Variants in CAMTA1 observed in about 807,000 individuals in gnomAD.
The protein encoded by CAMTA1 is calmodulin binding transcription activator 1, also known as calmodulin-binding transcription activator 1.
A neutral mutation model predicts 170.9 loss-of-function variants in CAMTA1; 27 were observed. The observed-to-expected ratio is 0.16, with a 90% CI of 0.12 to 0.22. The LOEUF is 0.22. CAMTA1 is among the 10% of genes least tolerant of loss of function. The pLI, the probability that CAMTA1 is intolerant of heterozygous loss-of-function variation, is 1.00. For synonymous variants in CAMTA1, 833 were observed against 891.5 expected (o/e 0.93, Z 1.17); for missense variants, 1,619 against 2,217.2 (o/e 0.73, Z 5.42).
At chr1:7,126,459 A>G (rs1573275360) in intron 4 of CAMTA1, among the ~76,000 whole-genome samples, 1 of 152,234 alleles carries the variant, frequency 6.6e-6, no homozygotes, top group South Asian at 2.1e-4. Flanking sequence ...GTGATCTGCC[A>G]GGCTCTTTCC....
rs770641896 is a variant in CAMTA1, at chr1:7,635,605, T to C, written c.511-4795T>C. Among the ~76,000 whole-genome samples, 40 of 124,988 alleles carry C rather than the reference T, an allele frequency of 3.2e-4. No homozygotes were observed. The highest frequency in any genetic ancestry group is 4.3e-4 in the Non-Finnish European group (28 of 64,524). 82.0% of individuals were successfully genotyped at this position (124,988 alleles called of 152,430 possible). On this transcript the variant is annotated intron_variant, in intron 6 of 22. Transcript: ENST00000303635. This position sits in a 1 kb window ranked among gnomAD's most constrained non-coding sequence, Gnocchi z 4.4. ...GCCTGGGGGACAGAGCAAGACTCCGTCTCAAAAAAAAAAAAAAAAAAATAC... is the reference window on the plus strand; with the variant it reads ...GCCTGGGGGACAGAGCAAGACTCCGCCTCAAAAAAAAAAAAAAAAAAATAC...
chr1:7,414,791 C>T (rs951175896), intron 5 of CAMTA1, among the ~76,000 whole-genome samples: 1 of 151,452 alleles, frequency 6.6e-6, no homozygotes, highest in Non-Finnish European at 1.5e-5. Context: ...TATTTCTTGC[C>T]TTCTGCTAGC....
chr1:7,736,420 G>A lies in CAMTA1; in HGVS notation c.3143G>A (p.Arg1048Gln), dbSNP rs747988937. Residue 1048 changes from arginine (R) to glutamine (Q), a missense_variant, in exon 13 of 23, where the codon CGA becomes CAA. By Grantham distance (43) the Arg-to-Gln change is conservative (BLOSUM62 1). Transcript: ENST00000303635. This position sits in a 1 kb window ranked among gnomAD's most constrained non-coding sequence, Gnocchi z 4.5. ...GTGGTATGCGAGAAGATGATGAGCC[G>A]AGCCTGCTGGGCGAAGTCCAAGCAC... ...VVVVCEKMMSRACWAKSKHLI... is the reference protein window; with the variant it reads ...VVVVCEKMMSQACWAKSKHLI... 6.8e-6 allele frequency: 11 copies of A among 1,613,898 alleles called. No homozygotes were observed. Among genetic ancestry groups the A allele is most frequent in the Middle Eastern group, 1.6e-4 (1 of 6,084 alleles).
At chr1:7,419,743 C>T (rs899520165) in intron 5 of CAMTA1, among the ~76,000 whole-genome samples, 1 of 152,190 alleles carries the variant, frequency 6.6e-6, no homozygotes, top group Non-Finnish European at 1.5e-5. Context: ...CAGCAGCCTC[C>T]TCCTGTCATC....
intron 3 of CAMTA1, among the ~76,000 whole-genome samples, chr1:6,876,508 G>A (rs550730531): frequency 2.6e-5 from 4 of 152,032 alleles, no homozygotes; most frequent in South Asian, 4.1e-4. Flanking sequence ...GATTACAGGC[G>A]TGTGCCACCG....
chr1:7,103,917 CACAT>C (rs1285614484), intron 4 of CAMTA1, among the ~76,000 whole-genome samples: 6 of 148,592 alleles, frequency 4.0e-5, no homozygotes, highest in Admixed American at 3.3e-4. Context: ...CGCGCACTCA[CACAT>C]ACACACAACT....
At chr1:7,687,197 A>G (rs1436687419) in intron 11 of CAMTA1, among the ~76,000 whole-genome samples, 1 of 151,646 alleles carries the variant, frequency 6.6e-6, no homozygotes, top group Non-Finnish European at 1.5e-5. Flanking sequence ...AGCACAGGCT[A>G]CCCTGGTATG....
chr1:7,072,980 T>G (rs1395158422), intron 3 of CAMTA1, among the ~76,000 whole-genome samples: 1 of 152,012 alleles, frequency 6.6e-6, no homozygotes, highest in Non-Finnish European at 1.5e-5. Flanking sequence ...TCCCCCTGAC[T>G]AGTGTGAAGA....
At chr1:6,963,794 C>T (rs1378643561) in intron 3 of CAMTA1, among the ~76,000 whole-genome samples, 1 of 152,110 alleles carries the variant, frequency 6.6e-6, no homozygotes. Flanking sequence ...GGCGACCGTG[C>T]GAGCAGAGAC....
At chr1:6,922,927 C>T (rs529171566) in intron 3 of CAMTA1, among the ~76,000 whole-genome samples, 11 of 152,216 alleles carry the variant, frequency 7.2e-5, no homozygotes, top group South Asian at 6.2e-4. Context: ...AGGATCACTC[C>T]GGTGACGGTG....
chr1:7,427,058 C>T (rs2091904166), intron 5 of CAMTA1, among the ~76,000 whole-genome samples: 1 of 152,102 alleles, frequency 6.6e-6, no homozygotes, highest in South Asian at 2.1e-4. Context: ...GACTTAGAGG[C>T]CTGAAGAGGT....
intron 6 of CAMTA1, among the ~76,000 whole-genome samples, chr1:7,479,067 T>G (rs2093471104): frequency 6.6e-6 from 1 of 152,214 alleles, no homozygotes. Flanking sequence ...CGTCAGCAGC[T>G]TGCTGGGCCT....
At chr1:7,716,382 AATAAAG>A (rs2096610001) in intron 11 of CAMTA1, among the ~76,000 whole-genome samples, 1 of 152,230 alleles carries the variant, frequency 6.6e-6, no homozygotes, top group Non-Finnish European at 1.5e-5. Flanking sequence ...AGCCCCTAAT[AATAAAG>A]ATAAAATATT....
intron 7 of CAMTA1, among the ~76,000 whole-genome samples, chr1:7,655,598 A>G (rs1458615125): frequency 8.8e-4 from 19 of 21,522 alleles, no homozygotes. Flanking sequence ...ACCCCTATAC[A>G]CACACCTATA....
chr1:7,355,058 T>G (rs899571127), intron 5 of CAMTA1, among the ~76,000 whole-genome samples: 1 of 151,824 alleles, frequency 6.6e-6, no homozygotes, highest in Non-Finnish European at 1.5e-5. Flanking sequence ...ATACAAAAAT[T>G]ATCCAGGCAT....
At chr1:7,069,646 G>A (rs1457827815) in intron 3 of CAMTA1, among the ~76,000 whole-genome samples, 6 of 152,058 alleles carry the variant, frequency 3.9e-5, no homozygotes, top group African/African-American at 1.4e-4. Context: ...GAGGGGAGAG[G>A]AACAAGAGAG....
intron 5 of CAMTA1, among the ~76,000 whole-genome samples, chr1:7,460,101 C>T (rs1397266310): frequency 1.3e-5 from 2 of 152,230 alleles, no homozygotes; most frequent in African/African-American, 4.8e-5. Flanking sequence ...GGAGATTCTG[C>T]AGAACTGTGT....
intron 4 of CAMTA1, among the ~76,000 whole-genome samples, chr1:7,226,235 C>G (rs560007270): frequency 1.3e-5 from 2 of 152,164 alleles, no homozygotes; most frequent in Admixed American, 6.5e-5. Context: ...CTGCCTCCCC[C>G]TCAAATTCCC....
At chr1:7,400,755 A>G (rs2089836652) in intron 5 of CAMTA1, among the ~76,000 whole-genome samples, 1 of 152,164 alleles carries the variant, frequency 6.6e-6, no homozygotes, top group African/African-American at 2.4e-5. Flanking sequence ...TATCAATATC[A>G]GTGATGCCTG....
Sources: allele counts gnomAD v4.1 joint callset (sites outside exome capture counted in the v4.1 genomes callset), GRCh38; gene constraint gnomAD v4.1.1; non-coding constraint Gnocchi (gnomAD v3.1); transcripts MANE v1.5; gene names NCBI Gene and HGNC (gene_info 2026-07-23, HGNC 2026-07-21).